Variants in DHTKD1 observed in about 807,000 individuals in gnomAD.
The protein encoded by DHTKD1 is dehydrogenase E1 and transketolase domain containing 1.
Under a neutral mutation model 101.8 loss-of-function variants are expected in DHTKD1, and 78 were observed. The ratio of observed to expected loss-of-function variants is 0.77; its 90% CI spans 0.64 to 0.93. DHTKD1 has a LOEUF of 0.93. Ranked by LOEUF, DHTKD1 falls within the 40% of genes least tolerant of loss-of-function variation. The probability of loss-of-function intolerance (pLI) is 0.00; values close to 1 mark genes in which losing one functional copy is unlikely to be tolerated. For missense variants in DHTKD1, 1,223 were observed against 1,161.7 expected (o/e 1.05, Z -0.77); for synonymous variants, 462 against 450.3 (o/e 1.03, Z -0.33).
chr10:12,085,879 C>T (rs1832889823), intron 3 of DHTKD1, among the ~76,000 whole-genome samples: 1 of 152,090 alleles, frequency 6.6e-6, no homozygotes, highest in Non-Finnish European at 1.5e-5. Flanking sequence ...CCACTGTACT[C>T]CAGTCTGGGC....
rs1833208585 is a variant in DHTKD1, at chr10:12,103,933, A to T, written c.1897-2313A>T. On this transcript the variant is annotated intron_variant, in intron 10 of 16. Transcript: ENST00000263035. This position sits in a 1 kb window ranked among gnomAD's most constrained non-coding sequence, Gnocchi z 4.8. ...CTATTCACAGAGTTGTGTAATCATCACCACTATCTAATTTTAGAACATTTT... is the reference window on the plus strand; with the variant it reads ...CTATTCACAGAGTTGTGTAATCATCTCCACTATCTAATTTTAGAACATTTT... Among the ~76,000 whole-genome samples the T allele has an allele frequency of 6.6e-6, 1 of 152,096 alleles. No homozygotes were observed. Among genetic ancestry groups the T allele is most frequent in the South Asian group, 2.1e-4 (1 of 4,828 alleles).
chr10:12,072,472 TAAATAAATAAATAAATAAATAAATAA>T (rs1481249879), intron 1 of DHTKD1, among the ~76,000 whole-genome samples: 1 of 43,272 alleles, frequency 2.3e-5, no homozygotes, highest in African/African-American at 5.2e-5. Context: ...AATAAATAAA[TAAATAAATAAATAAATAAATAAATAA>T]ATAAATACAA....
chr10:12,086,027 A>G (rs999819608), intron 3 of DHTKD1, among the ~76,000 whole-genome samples: 5 of 151,086 alleles, frequency 3.3e-5, no homozygotes, highest in Non-Finnish European at 1.5e-5. Context: ...GTGCCACCAC[A>G]CCCAGCTAAT....
In DHTKD1 at chr10:12,118,801, CAA is replaced by C. The variant is rs1271803838; in HGVS notation, c.2457_2458del (p.Glu821IlefsTer8). 4.4e-6 allele frequency: 7 copies of C among 1,606,950 alleles called. No individual in the cohort carries two copies. The highest frequency in any genetic ancestry group is 2.3e-5 in the East Asian group (1 of 44,314). On this transcript the variant is annotated frameshift_variant, in exon 15 of 17. Coordinates refer to ENST00000263035, the MANE Select transcript of DHTKD1 (RefSeq NM_018706.7). LOFTEE classifies it high-confidence loss of function. Reference sequence around the variant, plus strand: ...CAAACATTTCTACTCCCTGGTGAAACAAAGAGAATCTCTGGGGGCCAAGAAGC... The same window carrying C: ...CAAACATTTCTACTCCCTGGTGAAACAGAGAATCTCTGGGGGCCAAGAAGC... Reference protein sequence around the residue: ...SGKHFYSLVKQRESLGAKKHD... With the variant: ...SGKHFYSLVKXRESLGAKKHD...
At chr10:12,071,455 C>T (rs1832649357) in intron 1 of DHTKD1, among the ~76,000 whole-genome samples, 2 of 152,132 alleles carry the variant, frequency 1.3e-5, no homozygotes, top group African/African-American at 4.8e-5. Flanking sequence ...CACATCAAAT[C>T]TTTTTAGTTT....
chr10:12,095,578 C>A (rs2131363537), intron 7 of DHTKD1, among the ~76,000 whole-genome samples: 1 of 152,008 alleles, frequency 6.6e-6, no homozygotes, highest in South Asian at 2.1e-4. Context: ...CTTTGGGAGG[C>A]CGAGGCGGGC....
chr10:12,090,423 TCC>T (rs763727687), intron 5 of DHTKD1, among the ~76,000 whole-genome samples: 3 of 31,604 alleles, frequency 9.5e-5, no homozygotes, highest in East Asian at 6.6e-4. Flanking sequence ...CTTCCTTCCT[TCC>T]TTTTTCCTTC....
intron 10 of DHTKD1, among the ~76,000 whole-genome samples, chr10:12,101,587 G>A (rs1564395262): frequency 6.6e-6 from 1 of 152,124 alleles, no homozygotes; most frequent in South Asian, 2.1e-4. Flanking sequence ...CTTGACGAAT[G>A]TACACATAAC....
At position 12,121,027 on chromosome 10, in the gene DHTKD1, C is replaced by G; in HGVS notation, c.*139C>G. ...CTGAGGTCAGGAGTTCGAGACCAGC[C>G]TGGCCAACACGGTGAAACCCCGCCT... On this transcript the variant is annotated 3_prime_UTR_variant, in exon 17 of 17. Coordinates refer to ENST00000263035, the MANE Select transcript of DHTKD1 (RefSeq NM_018706.7). The G allele has an allele frequency of 1.6e-6, 1 of 629,702 alleles. No homozygotes were observed. The highest frequency in any genetic ancestry group is 2.7e-6 in the Non-Finnish European group (1 of 365,336). 39.0% of individuals were successfully genotyped at this position (629,702 alleles called of 1,614,324 possible).
At chr10:12,086,362 A>C (rs1334949326) in intron 3 of DHTKD1, among the ~76,000 whole-genome samples, 1 of 151,348 alleles carries the variant, frequency 6.6e-6, no homozygotes. Flanking sequence ...CTGGGACTAC[A>C]GGTGCATGCC....
chr10:12,098,783 T>G (rs1439328327), intron 8 of DHTKD1, among the ~76,000 whole-genome samples: 1 of 152,206 alleles, frequency 6.6e-6, no homozygotes, highest in Non-Finnish European at 1.5e-5. Flanking sequence ...CAGGTTGGTC[T>G]TGAACTCCTG....
chr10:12,112,050 C>T (rs1353815256), intron 12 of DHTKD1, among the ~76,000 whole-genome samples: 4 of 137,594 alleles, frequency 2.9e-5, no homozygotes, highest in South Asian at 5.8e-4. Context: ...CATGGTGGCT[C>T]ATGCCTGTAA....
At chr10:12,077,623 G>A (rs1832753940) in intron 1 of DHTKD1, among the ~76,000 whole-genome samples, 1 of 152,184 alleles carries the variant, frequency 6.6e-6, no homozygotes, top group South Asian at 2.1e-4. Flanking sequence ...ATGAGTTAAT[G>A]CCATTGCTTG....
chr10:12,111,512 C>T (rs901780634), intron 12 of DHTKD1, among the ~76,000 whole-genome samples: 1 of 152,158 alleles, frequency 6.6e-6, no homozygotes. Flanking sequence ...TGGTGATAGG[C>T]ATGATCCAGT....
chr10:12,085,176 G>T (rs1275490406), intron 3 of DHTKD1, among the ~76,000 whole-genome samples: 3 of 152,108 alleles, frequency 2.0e-5, no homozygotes, highest in African/African-American at 4.8e-5. Flanking sequence ...CAGGGGTGAT[G>T]GTGCACACCT....
rs1448893364 is a variant in DHTKD1, at chr10:12,089,234, G to A, written c.966G>A (p.Gly322=). 6.2e-7 allele frequency: 1 copy of A among 1,614,070 alleles called. No homozygotes were observed. The highest frequency in any genetic ancestry group is 1.1e-5 in the South Asian group (1 of 91,080). The change falls in exon 5 of 17, where the codon GGG becomes GGA. Residue 322 remains glycine (G), a synonymous_variant. Transcript: ENST00000263035. ...DYSPDNSAQP[G]DRVICLQVHG... The stretch of plus-strand genomic sequence containing the variant: ...CTCCAGACAACTCAGCCCAGCCGGG[G>A]GACAGGGTCATTTGCTTACAGGTAC...
intron 1 of DHTKD1, among the ~76,000 whole-genome samples, chr10:12,079,052 AG>A (rs1832775057): frequency 6.6e-6 from 1 of 152,122 alleles, no homozygotes; most frequent in Admixed American, 6.6e-5. Flanking sequence ...TAGACTGAGA[AG>A]GTGGCCTTGG....
intron 7 of DHTKD1, among the ~76,000 whole-genome samples, chr10:12,096,394 T>C (rs1833071336): frequency 6.6e-6 from 1 of 152,168 alleles, no homozygotes; most frequent in Non-Finnish European, 1.5e-5. Flanking sequence ...TTTATTTTAT[T>C]TATTTTTTTG....
At chr10:12,116,544 C>T (rs185708347) in intron 13 of DHTKD1, among the ~76,000 whole-genome samples, 241 of 152,010 alleles carry the variant, frequency 1.6e-3, no homozygotes, top group Non-Finnish European at 2.9e-3. Context: ...GCATGCACCA[C>T]CACGCCCAGC....
Sources: allele counts gnomAD v4.1 joint callset (sites outside exome capture counted in the v4.1 genomes callset), GRCh38; gene constraint gnomAD v4.1.1; non-coding constraint Gnocchi (gnomAD v3.1); transcripts MANE v1.5; gene names NCBI Gene and HGNC (gene_info 2026-07-23, HGNC 2026-07-21).